Variants in MORF4L1 observed in about 807,000 individuals in gnomAD.
MORF4L1 encodes the protein mortality factor 4 like 1, also known as mortality factor 4-like protein 1.
Under a neutral mutation model 52.9 loss-of-function variants are expected in MORF4L1, and 4 were observed. The observed-to-expected ratio is 0.08, with a 90% CI of 0.04 to 0.17. MORF4L1 has a LOEUF of 0.17. Ranked by LOEUF, MORF4L1 falls within the 10% of genes least tolerant of loss-of-function variation. The pLI, the probability that MORF4L1 is intolerant of heterozygous loss-of-function variation, is 1.00. For missense variants in MORF4L1, 214 were observed against 390.4 expected (o/e 0.55, Z 3.81); for synonymous variants, 123 against 134.8 (o/e 0.91, Z 0.61).
chr15:78,884,099 T>G (rs1051908099), intron 3 of MORF4L1, among the ~76,000 whole-genome samples: 5 of 151,416 alleles, frequency 3.3e-5, no homozygotes, highest in African/African-American at 1.2e-4. Context: ...AGCTAGTTTG[T>G]AGGCTGAGGC....
rs777145018 is a variant in MORF4L1, at chr15:78,893,524, T to G, written c.541-15T>G. 1.3e-6 allele frequency: 2 copies of G among 1,565,686 alleles called. No homozygotes were observed. Among genetic ancestry groups the G allele is most frequent in the Admixed American group, 1.7e-5 (1 of 59,430 alleles). On this transcript the variant is annotated splice_polypyrimidine_tract_variant and intron_variant, in intron 8 of 11. Coordinates refer to ENST00000426013, the MANE Select transcript of MORF4L1 (RefSeq NM_006791.4). ...AAGAGAGTGCTTATATTTAAGCATA[T>G]TTTTGTCTTCATAGCTCTTTTATCT...
intron 1 of MORF4L1, among the ~76,000 whole-genome samples, chr15:78,875,191 A>T (rs989206673): frequency 6.6e-6 from 1 of 152,222 alleles, no homozygotes; most frequent in Non-Finnish European, 1.5e-5. Context: ...CGTAGGGTTT[A>T]TCAGACTGTC....
chr15:78,893,365 T>A (rs575434118), intron 8 of MORF4L1, among the ~76,000 whole-genome samples, 174 bp from the exon 9 acceptor site: 7 of 152,230 alleles, frequency 4.6e-5, no homozygotes, highest in Non-Finnish European at 1.0e-4. Flanking sequence ...CATTGTAAGT[T>A]GGGAACTGTC....
chr15:78,891,927 A>G (rs566127739), intron 7 of MORF4L1, among the ~76,000 whole-genome samples: 13 of 152,360 alleles, frequency 8.5e-5, no homozygotes, highest in Non-Finnish European at 1.6e-4. Flanking sequence ...GTTAAAATGT[A>G]TCAAGTCAGG....
intron 1 of MORF4L1, among the ~76,000 whole-genome samples, chr15:78,875,173 A>G (rs926028730): frequency 5.3e-5 from 8 of 152,196 alleles, no homozygotes; most frequent in African/African-American, 1.7e-4. Context: ...TTATGAAACT[A>G]TTAGGCTCGT....
intron 3 of MORF4L1, 104 bp downstream of exon 3, chr15:78,880,683 T>TA: frequency 1.3e-6 from 1 of 766,278 alleles, no homozygotes; most frequent in South Asian, 1.9e-5. Flanking sequence ...TTTAATGTAA[T>TA]ATAGTACATA....
At chr15:78,891,802 C>A in intron 7 of MORF4L1, 1 of 487,278 alleles carries the variant, frequency 2.1e-6, no homozygotes, top group East Asian at 3.3e-5. Context: ...TTCATGTTCA[C>A]CTACAAGACT....
At chr15:78,891,855 T>C (rs1332576749) in intron 7 of MORF4L1, 1 of 433,886 alleles carries the variant, frequency 2.3e-6, no homozygotes, top group East Asian at 3.8e-5. Context: ...GTTAAAGATG[T>C]ACCTTTAAGA....
intron 1 of MORF4L1, chr15:78,873,686 C>T (rs1189451536): frequency 1.3e-5 from 2 of 153,890 alleles, no homozygotes; most frequent in African/African-American, 4.8e-5. Context: ...CCCCCTTCCA[C>T]GACGACCAGA....
chr15:78,892,298 T>A lies in MORF4L1; in HGVS notation c.525T>A (p.Ile175=). 6.2e-7 allele frequency: 1 copy of A among 1,612,738 alleles called. No homozygotes were observed. Among genetic ancestry groups the A allele is most frequent in the South Asian group, 1.1e-5 (1 of 91,018 alleles). ...KPWLVDDWDL[I]TRQKQLFYLP... is the part of the protein sequence containing the mutation. Reference sequence around the variant, plus strand: ...GGCTTGTTGATGACTGGGACTTAATTACCAGGCAAAAACAGGTAACTTGAA... The same window carrying A: ...GGCTTGTTGATGACTGGGACTTAATAACCAGGCAAAAACAGGTAACTTGAA... The change falls in exon 8 of 12, where the codon ATT becomes ATA. Residue 175 remains isoleucine, a synonymous_variant. Transcript: ENST00000426013.
At chr15:78,880,414 C>G (rs1264447707) in intron 2 of MORF4L1, 98 bp from the exon 3 acceptor site, 6 of 815,118 alleles carry the variant, frequency 7.4e-6, no homozygotes, top group Non-Finnish European at 7.9e-6. Flanking sequence ...GTTTAGGCCA[C>G]CATAAAGCTT....
chr15:78,884,471 C>A (rs1356127660), intron 3 of MORF4L1, among the ~76,000 whole-genome samples: 1 of 151,752 alleles, frequency 6.6e-6, no homozygotes, highest in Non-Finnish European at 1.5e-5. Flanking sequence ...GAAACCCTGT[C>A]TGTACTAAAA....
rs190127406 is a variant in MORF4L1, at chr15:78,876,354, C to G, written c.41-1859C>G. ...TGCAATATATGTTGTATAAGCAATTCTTAAGGCATAGTGATTGCTTTGCAC... is the reference window on the plus strand; with the variant it reads ...TGCAATATATGTTGTATAAGCAATTGTTAAGGCATAGTGATTGCTTTGCAC... On this transcript the variant is annotated intron_variant, in intron 1 of 11. Coordinates refer to ENST00000426013, the MANE Select transcript of MORF4L1 (RefSeq NM_006791.4). 5.2e-4 allele frequency: 152 copies of G among 291,890 alleles called. 1 individual carries two copies. In the East Asian group the frequency reaches 0.011, roughly 21 times the overall value. 18.1% of individuals were successfully genotyped at this position (291,890 alleles called of 1,614,324 possible).
intron 11 of MORF4L1, among the ~76,000 whole-genome samples, chr15:78,895,335 AC>A (rs1200633587): frequency 1.3e-5 from 2 of 152,248 alleles, no homozygotes; most frequent in African/African-American, 4.8e-5. Flanking sequence ...AAATGAACAA[AC>A]CAGTGAAAAG....
intron 5 of MORF4L1, among the ~76,000 whole-genome samples, chr15:78,888,283 C>G (rs188651138): frequency 4.0e-5 from 6 of 151,740 alleles, no homozygotes; most frequent in Non-Finnish European, 8.8e-5. Flanking sequence ...TGGGCAACAT[C>G]GGGAGCCTCT....
At position 78,873,047 on chromosome 15, in the gene MORF4L1, A is replaced by G. The variant is rs1434141516; in HGVS notation, c.30A>G (p.Lys10=). The G allele has an allele frequency of 1.9e-5, 29 of 1,552,322 alleles. No individual in the cohort carries two copies. The highest frequency in any genetic ancestry group is 1.2e-4 in the Admixed American group (6 of 50,864). Reference sequence around the variant, plus strand: ...CGCCGAAGCAGGACCCGAAGCCTAAATTCCAGGAGGGTGAGTGTGCGCCTT... The same window carrying G: ...CGCCGAAGCAGGACCCGAAGCCTAAGTTCCAGGAGGGTGAGTGTGCGCCTT... The part of the protein sequence containing the change: MAPKQDPKP[K]FQEGERVLCF... Residue 10 remains lysine, a synonymous_variant, in exon 1 of 12, where the codon AAA becomes AAG. Coordinates refer to ENST00000426013, the MANE Select transcript of MORF4L1 (RefSeq NM_006791.4).
chr15:78,885,189 TAAAC>T, intron 3 of MORF4L1: 9 of 862,892 alleles, frequency 1.0e-5, no homozygotes, highest in Non-Finnish European at 1.2e-5. Context: ...GGGAAATCAT[TAAAC>T]AAAAGAAAGT....
intron 1 of MORF4L1, among the ~76,000 whole-genome samples, chr15:78,876,881 C>G (rs1203173290): frequency 6.6e-6 from 1 of 152,010 alleles, no homozygotes; most frequent in African/African-American, 2.4e-5. Context: ...CTGGGAGAGT[C>G]TAATAATATG....
chr15:78,891,763 C>T, intron 7 of MORF4L1, 191 bp downstream of exon 7: 1 of 539,274 alleles, frequency 1.9e-6, no homozygotes. Context: ...CCAGATTTAC[C>T]TACCCAATTG....
Sources: gnomAD v4.1 joint callset for allele counts (sites outside exome capture counted in the v4.1 genomes callset) on GRCh38, gnomAD v4.1.1 for gene constraint, MANE v1.5 for transcripts, NCBI Gene and HGNC (gene_info 2026-07-23, HGNC 2026-07-21) for gene names.